TADA3: variants seen among roughly 807,000 people sequenced by gnomAD.
The protein encoded by TADA3 is transcriptional adaptor 3.
A neutral mutation model predicts 43.2 loss-of-function variants in TADA3; 25 were observed. The ratio of observed to expected loss-of-function variants is 0.58; its 90% CI spans 0.42 to 0.81. TADA3 has a LOEUF of 0.81. Ranked by LOEUF, TADA3 falls within the 30% of genes least tolerant of loss-of-function variation. The pLI is 0.00. For synonymous variants in TADA3, 235 were observed against 225.5 expected (o/e 1.04, Z -0.38); for missense variants, 441 against 567.8 (o/e 0.78, Z 2.27).
chr3:9,783,214 AAAAAG>A (rs1213173968), intron 8 of TADA3: 4 of 152,244 alleles, frequency 2.6e-5, no homozygotes, highest in Non-Finnish European at 5.9e-5. Context: ...CTTTGGGGAT[AAAAAG>A]AAAAGAAGCA....
At chr3:9,786,010 C>G (rs1169688908) in intron 6 of TADA3, among the ~76,000 whole-genome samples, 1 of 151,830 alleles carries the variant, frequency 6.6e-6, no homozygotes, top group African/African-American at 2.4e-5. Context: ...ACAATTTCGG[C>G]TTACTGCAAG....
intron 6 of TADA3, among the ~76,000 whole-genome samples, chr3:9,785,695 G>A (rs372147170): frequency 1.1e-4 from 17 of 152,310 alleles, no homozygotes; most frequent in East Asian, 5.8e-4. Context: ...TTTGTGAAGC[G>A]TCTGCAACGC....
chr3:9,786,373 T>G (rs1382312810), intron 6 of TADA3, among the ~76,000 whole-genome samples: 2 of 152,188 alleles, frequency 1.3e-5, no homozygotes, highest in African/African-American at 4.8e-5. Context: ...CTACCTTAGA[T>G]AACCTGCAAC....
At chr3:9,787,469 T>C (rs1457838778) in intron 4 of TADA3, 129 bp from the exon 5 acceptor site, 3 of 1,342,448 alleles carry the variant, frequency 2.2e-6, no homozygotes, top group African/African-American at 1.5e-5. Context: ...GTGTCAGGTG[T>C]AGGTAAGAAA....
chr3:9,784,889 AAAG>A (rs887911513), intron 7 of TADA3, among the ~76,000 whole-genome samples: 1 of 152,016 alleles, frequency 6.6e-6, no homozygotes, highest in African/African-American at 2.4e-5. Flanking sequence ...AAAAAGAAAA[AAAG>A]AAATATATTT....
At chr3:9,781,607 G>C (rs1037051168) in intron 8 of TADA3, 2 of 455,940 alleles carry the variant, frequency 4.4e-6, no homozygotes, top group Admixed American at 4.7e-5. Context: ...GGAGGTGGGT[G>C]AGACACCAGA....
rs567521188 is a variant in TADA3 at position 9,784,890 on chromosome 3, AAG to A, written c.920+424_920+425del. ...AAAAAAAAAAAAAGAAAAAGAAAAAAAGAAATATATTTTAAGTAAAAATAGTA... is the reference window on the plus strand; with the variant it reads ...AAAAAAAAAAAAAGAAAAAGAAAAAAAAATATATTTTAAGTAAAAATAGTA... On this transcript the variant is annotated intron_variant, in intron 7 of 8. Transcript: ENST00000301964. Among the ~76,000 whole-genome samples, 385 of 152,150 alleles carry A rather than the reference AAG, an allele frequency of 2.5e-3. 3 individuals are homozygous for A. Among genetic ancestry groups the A allele is most frequent in the African/African-American group, 8.7e-3 (362 of 41,542 alleles).
chr3:9,788,987 C>G (rs1190942757), intron 4 of TADA3, among the ~76,000 whole-genome samples: 1 of 152,134 alleles, frequency 6.6e-6, no homozygotes, highest in African/African-American at 2.4e-5. Context: ...AGGCGCACAC[C>G]GCCATGCCTG....
At chr3:9,791,698 C>T (rs779312675) in intron 1 of TADA3, among the ~76,000 whole-genome samples, 2 of 152,226 alleles carry the variant, frequency 1.3e-5, no homozygotes, top group Admixed American at 1.3e-4. Flanking sequence ...GAATTTCTCA[C>T]TCAGCACCAT....
chr3:9,787,851 C>A, intron 4 of TADA3: 1 of 563,236 alleles, frequency 1.8e-6, no homozygotes, highest in Non-Finnish European at 3.0e-6. Flanking sequence ...GTGGAGGTAA[C>A]ATGAGATCAG....
upstream of TADA3, chr3:9,792,570 G>A (rs1009762332): frequency 2.8e-5 from 34 of 1,228,810 alleles, no homozygotes; most frequent in Middle Eastern, 3.1e-4. Flanking sequence ...GGTGGGCCTC[G>A]AGCAAAGCCG....
intron 2 of TADA3, 146 bp from the exon 3 acceptor site, chr3:9,790,109 C>T: frequency 9.3e-7 from 1 of 1,070,530 alleles, no homozygotes; most frequent in Non-Finnish European, 1.3e-6. Flanking sequence ...TCTTACTCAT[C>T]CTTCAAAATT....
intron 8 of TADA3, among the ~76,000 whole-genome samples, chr3:9,781,821 T>C (rs2078473543): frequency 6.7e-6 from 1 of 149,566 alleles, no homozygotes; most frequent in Admixed American, 6.7e-5. Flanking sequence ...ATTTCTTCAT[T>C]GCCCATTACT....
intron 8 of TADA3, among the ~76,000 whole-genome samples, chr3:9,781,833 C>CTTTTTTTTTT (rs35246642): frequency 3.5e-5 from 3 of 86,870 alleles, no homozygotes; most frequent in Non-Finnish European, 6.2e-5. Flanking sequence ...CCCATTACTT[C>CTTTTTTTTTT]TTTTTTTTTT....
At chr3:9,788,093 G>A (rs1285379401) in intron 4 of TADA3, 2 of 225,098 alleles carry the variant, frequency 8.9e-6, no homozygotes, top group Non-Finnish European at 1.8e-5. Context: ...GATAACGGGA[G>A]GAAGAAAGGC....
intron 1 of TADA3, among the ~76,000 whole-genome samples, chr3:9,791,999 T>C (rs1401964491): frequency 1.3e-5 from 2 of 152,200 alleles, no homozygotes; most frequent in Non-Finnish European, 2.9e-5. Flanking sequence ...CTCCCTTCTC[T>C]AGTCACTAAC....
At chr3:9,788,074 G>A (rs767225571) in intron 4 of TADA3, 15 of 240,648 alleles carry the variant, frequency 6.2e-5, no homozygotes, top group South Asian at 1.5e-4. Flanking sequence ...GCGTGGACTT[G>A]ATCCTGTAGA....
intron 4 of TADA3, 87 bp downstream of exon 4, chr3:9,789,422 T>C (rs1356457834): frequency 4.8e-6 from 6 of 1,243,604 alleles, no homozygotes; most frequent in Non-Finnish European, 6.8e-6. Flanking sequence ...GGAAGGAAGA[T>C]GATGCATGGC....
chr3:9,791,594 C>T lies in TADA3; in HGVS notation c.-27-101G>A, dbSNP rs1254835298. 4 of 672,074 alleles carry T rather than the reference C, an allele frequency of 6.0e-6. No individual in the cohort carries two copies. The African/African-American group carries it at 7.2e-5, about 12-fold the overall frequency. The allele number at this position is 672,074 out of a possible 1,614,324, so 41.6% of individuals were successfully genotyped here. On this transcript the variant is annotated intron_variant, in intron 1 of 8. Transcript: ENST00000301964. ...GCCTCAAGGAAGCCCAGCTTCAGTC[C>T]CTTACTGACAAAATTGATGGCACAG...
Sources: allele counts gnomAD v4.1 joint callset (sites outside exome capture counted in the v4.1 genomes callset), GRCh38; gene constraint gnomAD v4.1.1; transcripts MANE v1.5; gene names NCBI Gene and HGNC (gene_info 2026-07-23, HGNC 2026-07-21).